Variants in ADGRB1 observed in about 807,000 individuals in gnomAD.
ADGRB1 encodes the protein adhesion G protein-coupled receptor B1, also known as brain-specific angiogenesis inhibitor 1.
In ADGRB1, 36 loss-of-function variants were observed where a neutral mutation model predicts 175.7. That is an observed-to-expected ratio of 0.20 (90% CI 0.16 to 0.27). The LOEUF (loss-of-function observed/expected upper bound fraction) is 0.27, where lower values mean the gene tolerates loss of function less well. ADGRB1 is among the 10% of genes least tolerant of loss of function. The probability of loss-of-function intolerance (pLI) is 1.00; values close to 1 mark genes in which losing one functional copy is unlikely to be tolerated. For missense variants in ADGRB1, 1,731 were observed against 2,255.3 expected (o/e 0.77, Z 4.71); for synonymous variants, 1,054 against 979.4 (o/e 1.08, Z -1.42).
intron 1 of ADGRB1, among the ~76,000 whole-genome samples, chr8:142,459,339 A>G (rs2131643633): frequency 6.6e-6 from 1 of 152,222 alleles, no homozygotes. Context: ...AACCGAGGGG[A>G]CCTGGGAGCT....
rs746835522 is a variant in ADGRB1 at position 142,477,566 on chromosome 8, G to T, written c.1387+17G>T. 1.2e-6 allele frequency: 2 copies of T among 1,607,616 alleles called. No homozygotes were observed. Among genetic ancestry groups the T allele is most frequent in the South Asian group, 1.1e-5 (1 of 90,802 alleles). ...TGTGCCCTGGTAGGTGAGAGGGAGG[G>T]CGTAGGGGCAGGGAGGAAGGGAAGA... On this transcript the variant is annotated intron_variant, in intron 6 of 30. Coordinates refer to ENST00000517894, the MANE Select transcript of ADGRB1 (RefSeq NM_001702.3).
intron 25 of ADGRB1, among the ~76,000 whole-genome samples, chr8:142,536,669 C>T (rs775647648): frequency 5.9e-5 from 9 of 151,958 alleles, no homozygotes; most frequent in Middle Eastern, 3.4e-3. Flanking sequence ...CTTCGGCCCG[C>T]TGCAGGTCAG....
intron 17 of ADGRB1, among the ~76,000 whole-genome samples, chr8:142,502,718 G>A (rs1316524462): frequency 6.6e-6 from 1 of 151,264 alleles, no homozygotes; most frequent in African/African-American, 2.4e-5. Context: ...CTGATGATGG[G>A]GTTGGTAGTG....
intron 25 of ADGRB1, among the ~76,000 whole-genome samples, chr8:142,533,715 TGGG>T (rs1192351348): frequency 6.6e-6 from 1 of 152,064 alleles, no homozygotes; most frequent in Non-Finnish European, 1.5e-5. Flanking sequence ...CGCACTGGCT[TGGG>T]GGCGTGGGGG....
intron 17 of ADGRB1, among the ~76,000 whole-genome samples, chr8:142,495,971 G>T (rs1450219771): frequency 6.6e-6 from 1 of 150,626 alleles, no homozygotes. Context: ...GGATGGATAC[G>T]TGGGTGGCTG....
intron 27 of ADGRB1, chr8:142,540,018 C>T (rs1845169447): frequency 1.3e-5 from 2 of 153,664 alleles, no homozygotes; most frequent in South Asian, 4.1e-4. Context: ...AGCTCCGCCG[C>T]CCATCCCCAA....
intron 25 of ADGRB1, among the ~76,000 whole-genome samples, chr8:142,535,469 C>A (rs1049882205): frequency 1.3e-5 from 2 of 152,178 alleles, no homozygotes; most frequent in Non-Finnish European, 2.9e-5. Context: ...AGGTCCTGCC[C>A]AGAGATGGCT....
chr8:142,485,324 C>A (rs975059841), intron 13 of ADGRB1, among the ~76,000 whole-genome samples: 1 of 152,196 alleles, frequency 6.6e-6, no homozygotes, highest in Non-Finnish European at 1.5e-5. Flanking sequence ...ATGACTGTTA[C>A]TACAGTGCCC....
At chr8:142,497,574 C>T (rs1422562185) in intron 17 of ADGRB1, among the ~76,000 whole-genome samples, 1 of 152,118 alleles carries the variant, frequency 6.6e-6, no homozygotes, top group East Asian at 1.9e-4. Flanking sequence ...GTATCTGCAC[C>T]ATGATTGAGG....
At chr8:142,513,247 A>T (rs927757238) in intron 18 of ADGRB1, among the ~76,000 whole-genome samples, 19 of 152,024 alleles carry the variant, frequency 1.2e-4, no homozygotes, top group Admixed American at 6.5e-4. Flanking sequence ...GTGAGATGGG[A>T]GGGCGGTTGG....
chr8:142,483,755 T>G (rs1305991074), intron 11 of ADGRB1, among the ~76,000 whole-genome samples: 1 of 151,398 alleles, frequency 6.6e-6, no homozygotes, highest in Non-Finnish European at 1.5e-5. Context: ...GGTCACATGC[T>G]GAGCCCTGAC....
chr8:142,509,408 G>C (rs1842971866), intron 17 of ADGRB1, among the ~76,000 whole-genome samples: 2 of 152,238 alleles, frequency 1.3e-5, no homozygotes, highest in African/African-American at 4.8e-5. Context: ...TCAGGTGTCT[G>C]ATCAGAGGCG....
intron 2 of ADGRB1, among the ~76,000 whole-genome samples, chr8:142,469,455 A>C (rs1307617231): frequency 9.6e-6 from 1 of 104,500 alleles, no homozygotes; most frequent in Non-Finnish European, 2.0e-5. Flanking sequence ...ACGTGCGTGA[A>C]TGTGTGTATG....
rs1239694222 is a variant in ADGRB1, at chr8:142,542,402, G to T, written c.4168G>T (p.Ala1390Ser). The T allele has an allele frequency of 8.6e-6, 11 of 1,276,942 alleles. No individual in the cohort carries two copies. Among genetic ancestry groups the T allele is most frequent in the South Asian group, 1.3e-5 (1 of 75,594 alleles). 79.1% of individuals were successfully genotyped at this position (1,276,942 alleles called of 1,614,324 possible). A position where few individuals can be genotyped will look rare whatever the true frequency, so the allele number is the denominator to read the frequency against. The change falls in exon 28 of 31, where the codon GCC (alanine) becomes TCC (serine). Residue 1390 changes from alanine to serine, a missense_variant. Around this residue, in one of 8 missense-constraint regions of ADGRB1, gnomAD observed 394 missense variants for 410.2 expected, o/e 0.96. Coordinates refer to ENST00000517894, the MANE Select transcript of ADGRB1 (RefSeq NM_001702.3). This position sits in a 1 kb window ranked among gnomAD's most constrained non-coding sequence, Gnocchi z 6.3. ...LSTAPEASLP[A>S]RSPPSRQPPS... ...CACGGCCCCCGAGGCCAGCCTCCCC[G>T]CCCGCAGCCCGCCCTCCCGCCAGCC...
rs1013249993 is a variant in ADGRB1 at position 142,479,922 on chromosome 8, C to G, written c.1828+128C>G. 25 of 1,064,192 alleles carry G rather than the reference C, an allele frequency of 2.3e-5. No individual in the cohort carries two copies. The Admixed American group carries it at 6.3e-4, about 27-fold the overall frequency. The allele number at this position is 1,064,192 out of a possible 1,614,324, so 65.9% of individuals were successfully genotyped here. A position where few individuals can be genotyped will look rare whatever the true frequency, so the allele number is the denominator to read the frequency against. On this transcript the variant is annotated intron_variant, in intron 9 of 30. Transcript: ENST00000517894. ...AGCCCAGACAGCCTGCGTGTGCTGG[C>G]GCGGGGTGGTGGGGCCGCGAGCCCA...
chr8:142,470,526 C>G (rs1012552321), intron 2 of ADGRB1, among the ~76,000 whole-genome samples: 7 of 151,128 alleles, frequency 4.6e-5, no homozygotes, highest in Non-Finnish European at 8.9e-5. Flanking sequence ...GTGTGTCCCT[C>G]TGTGGTGTGT....
At chr8:142,488,025 C>T (rs963450762) in intron 13 of ADGRB1, among the ~76,000 whole-genome samples, 3 of 152,164 alleles carry the variant, frequency 2.0e-5, no homozygotes, top group Non-Finnish European at 4.4e-5. Flanking sequence ...CCTCCATGGC[C>T]ACAGGACAGA....
intron 1 of ADGRB1, among the ~76,000 whole-genome samples, chr8:142,453,024 T>TCCCG (rs934433944): frequency 1.1e-3 from 126 of 119,068 alleles, no homozygotes; most frequent in Middle Eastern, 3.8e-3. Flanking sequence ...GCCACCTCCC[T>TCCCG]CCCGCCCGCC....
At position 142,449,827 on chromosome 8, in the gene ADGRB1, G is replaced by T. The variant is rs1839228150; in HGVS notation, c.-497G>T. The T allele has an allele frequency of 6.8e-6, 1 of 146,526 alleles. No homozygotes were observed. The highest frequency in any genetic ancestry group is 1.5e-5 in the Non-Finnish European group (1 of 65,822). 9.1% of individuals were successfully genotyped at this position (146,526 alleles called of 1,614,324 possible). On this transcript the variant is annotated 5_prime_UTR_variant, in exon 1 of 31. Transcript: ENST00000517894. ...GTCCTGGCCCGGCCCGGGCCCGCGC[G>T]CCAGCATCGTCCGCAGCGCGGGCAT...
Sources: allele counts gnomAD v4.1 joint callset (sites outside exome capture counted in the v4.1 genomes callset), GRCh38; gene constraint gnomAD v4.1.1; regional missense constraint gnomAD v4.1.1; non-coding constraint Gnocchi (gnomAD v3.1); transcripts MANE v1.5; gene names NCBI Gene and HGNC (gene_info 2026-07-23, HGNC 2026-07-21).